The following INTS1 variants were observed in gnomAD, a reference collection of about 807,000 sequenced individuals.
INTS1 encodes the protein integrator complex subunit 1.
In INTS1, 137 loss-of-function variants were observed where a neutral mutation model predicts 241.6. The ratio of observed to expected loss-of-function variants is 0.57; its 90% CI spans 0.49 to 0.65. The LOEUF is 0.65. INTS1 is among the 30% of genes least tolerant of loss of function. The pLI is 0.00. For missense variants in INTS1, 3,073 were observed against 3,032.2 expected, an observed-to-expected ratio of 1.01 and a Z score of -0.32; for synonymous variants, 1,692 against 1,337.8, an observed-to-expected ratio of 1.26 and a Z score of -5.78.
Position 1,495,548 on chromosome 7 carries a change from C to G in INTS1, c.1717G>C (p.Glu573Gln), listed in dbSNP as rs1237548034. Residue 573 changes from glutamate (E) to glutamine (Q), a missense_variant, in exon 13 of 48, where the codon GAA becomes CAA. Transcript: ENST00000404767. ...AWDKGEKRNL[E>Q]VLRSFQNQIA... is the part of the protein sequence containing the mutation. ...TGGTTCTGGAATGAGCGGAGCACTT[C>G]CAGGTCTGAAACAGACACGCAGCTT... The G allele has an allele frequency of 2.5e-6, 4 of 1,609,740 alleles. No homozygotes were observed. The highest frequency in any genetic ancestry group is 3.4e-6 in the Non-Finnish European group (4 of 1,178,980).
In INTS1 at chr7:1,482,718, G is replaced by A. The variant is rs779810660; in HGVS notation, c.3542-11C>T. On this transcript the variant is annotated splice_polypyrimidine_tract_variant and intron_variant, in intron 26 of 47. Transcript: ENST00000404767. ...ACTCGCTGTCGTCGGCTTCAGGAAG[G>A]ACAACGGGTGAGCAGCCTTCAGACC... The A allele has an allele frequency of 8.4e-5, 136 of 1,611,800 alleles. No homozygotes were observed. Among genetic ancestry groups the A allele is most frequent in the Non-Finnish European group, 1.1e-4 (132 of 1,179,412 alleles).
chr7:1,474,648 C>T (rs769156958), intron 40 of INTS1, 57 bp downstream of exon 40: 243 of 1,510,882 alleles, frequency 1.6e-4, no homozygotes, highest in East Asian at 5.4e-4. Flanking sequence ...GCTGGAGAGC[C>T]GCAGACCCCC....
chr7:1,488,025 C>T, intron 18 of INTS1, 68 bp from the exon 19 acceptor site: 1 of 1,538,732 alleles, frequency 6.5e-7, no homozygotes, highest in Non-Finnish European at 9.0e-7. Flanking sequence ...GGGCCACGCT[C>T]AGGGTCAAGG....
chr7:1,499,908 C>T lies in INTS1; in HGVS notation c.660G>A (p.Glu220=), dbSNP rs1235107913. The part of the protein sequence containing the change: ...NLLMAAYEED[E]NWPEIFVKVY... ...CCTTGACAAAGATCTCGGGCCAGTT[C>T]TCGTCCTCCTCGTAGGCGGCCATGA... The change falls in exon 5 of 48, where the codon GAG becomes GAA. Residue 220 remains glutamate, a synonymous_variant. Coordinates refer to ENST00000404767, the MANE Select transcript of INTS1 (RefSeq NM_001080453.3). The T allele has an allele frequency of 3.1e-6, 5 of 1,613,390 alleles. No homozygotes were observed. Among genetic ancestry groups the T allele is most frequent in the Non-Finnish European group, 4.2e-6 (5 of 1,179,622 alleles).
At chr7:1,479,346 G>A (rs1781882620) in intron 31 of INTS1, 84 bp downstream of exon 31, 8 of 1,429,500 alleles carry the variant, frequency 5.6e-6, no homozygotes, top group Non-Finnish European at 6.6e-6. Flanking sequence ...CCACAGAGGA[G>A]CAGTCACAGG....
chr7:1,493,628 G>A lies in INTS1; in HGVS notation c.2068+126C>T, dbSNP rs926539261. The A allele has an allele frequency of 1.5e-4, 201 of 1,297,458 alleles. No homozygotes were observed. Among genetic ancestry groups the A allele is most frequent in the Non-Finnish European group, 1.9e-4 (187 of 976,040 alleles). The allele number at this position is 1,297,458 out of a possible 1,614,324, so 80.4% of individuals were successfully genotyped here. A position where few individuals can be genotyped will look rare whatever the true frequency, so the allele number is the denominator to read the frequency against. ...AGAAGGCAGGTCCCCGAGCCTCCCG[G>A]GGACCCAGGACCCAGCTGAAGCGCA... On this transcript the variant is annotated intron_variant, in intron 15 of 47. Transcript: ENST00000404767. This position sits in a 1 kb window ranked among gnomAD's most constrained non-coding sequence, Gnocchi z 5.3.
At position 1,474,784 on chromosome 7, in the gene INTS1, G is replaced by C; in HGVS notation, c.5557C>G (p.Arg1853Gly). ...TCCGCCCCTCGGTTCTCCAACGCCC[G>C]GGAGTCGCTGGTGTCCGCAAGGAGC... ...ITLLADTSDS[R>G]ALENRGADAS... Residue 1853 changes from arginine to glycine, a missense_variant, in exon 40 of 48, where the codon CGG becomes GGG. Arg to Gly is a moderately radical substitution (Grantham distance 125). Coordinates refer to ENST00000404767, the MANE Select transcript of INTS1 (RefSeq NM_001080453.3). 1.9e-6 allele frequency: 3 copies of C among 1,582,630 alleles called. No individual in the cohort carries two copies. The highest frequency in any genetic ancestry group is 2.3e-5 in the East Asian group (1 of 43,212).
At position 1,474,853 on chromosome 7, in the gene INTS1, G is replaced by A. The variant is rs375559240; in HGVS notation, c.5503-15C>T. On this transcript the variant is annotated splice_polypyrimidine_tract_variant and intron_variant, in intron 39 of 47. Transcript: ENST00000404767. ...AGTCCGTCCAGCTGCAGGGAGGGGCGCTCTGAGGCCGGGGCCGCTGGCTCC... is the reference window on the plus strand; with the variant it reads ...AGTCCGTCCAGCTGCAGGGAGGGGCACTCTGAGGCCGGGGCCGCTGGCTCC... The A allele has an allele frequency of 9.0e-5, 142 of 1,574,542 alleles. 1 individual carries two copies. Among genetic ancestry groups the A allele is most frequent in the Non-Finnish European group, 1.2e-4 (134 of 1,162,034 alleles).
In INTS1 at chr7:1,477,819, A is replaced by G. The variant is rs1219488006; in HGVS notation, c.4748T>C (p.Val1583Ala). 1 of 1,612,548 alleles carries G rather than the reference A, an allele frequency of 6.2e-7. No individual in the cohort carries two copies. The highest frequency in any genetic ancestry group is 1.7e-5 in the Admixed American group (1 of 60,014). Reference sequence around the variant, plus strand: ...CTCCTCCTGCAGCAGCAGGGAGCTCACCACCACAACGGGCTTACAGGCTGG... The same window carrying G: ...CTCCTCCTGCAGCAGCAGGGAGCTCGCCACCACAACGGGCTTACAGGCTGG... ...PFPACKPVVVVSSLLLQEEEP... is the reference protein window; with the variant it reads ...PFPACKPVVVASSLLLQEEEP... Residue 1583 changes from valine to alanine, a missense_variant, in exon 34 of 48, where the codon GTG becomes GCG. Physicochemically the swap from Val to Ala is moderately conservative, Grantham distance 64. Coordinates refer to ENST00000404767, the MANE Select transcript of INTS1 (RefSeq NM_001080453.3).
At position 1,470,664 on chromosome 7, in the gene INTS1, G is replaced by A; in HGVS notation, c.6486C>T (p.Ala2162=). 2 of 1,579,268 alleles carry A rather than the reference G, an allele frequency of 1.3e-6. No homozygotes were observed. Among genetic ancestry groups the A allele is most frequent in the African/African-American group, 1.3e-5 (1 of 74,280 alleles). ...QEHAAVLLHR[A]FLVGMYGQMD... is the part of the protein sequence containing the mutation. The stretch of plus-strand genomic sequence containing the variant: ...TCTGGCCGTACATGCCCACCAGGAA[G>A]GCCCGGTGGAGCAGCACAGCCGCGT... The change falls in exon 48 of 48, where the codon GCC becomes GCT. Residue 2162 remains alanine (A), a synonymous_variant. Transcript: ENST00000404767.
At chr7:1,496,630 G>A (rs979337170) in intron 11 of INTS1, among the ~76,000 whole-genome samples, 1 of 152,290 alleles carries the variant, frequency 6.6e-6, no homozygotes, top group African/African-American at 2.4e-5. Context: ...ACCAGGGCCG[G>A]TGGCCCACAA....
rs540144288 is a variant in INTS1, at chr7:1,497,079, G to A, written c.1602+59C>T. 1.3e-6 allele frequency: 2 copies of A among 1,490,180 alleles called. No homozygotes were observed. The highest frequency in any genetic ancestry group is 1.8e-6 in the Non-Finnish European group (2 of 1,114,318). The allele number at this position is 1,490,180 out of a possible 1,614,324, so 92.3% of individuals were successfully genotyped here. A position where few individuals can be genotyped will look rare whatever the true frequency, so the allele number is the denominator to read the frequency against. Reference sequence around the variant, plus strand: ...TGTGCATGGGACCCAGGACGAGGGGGATGGCGGCGCGTGGAACCCGCAGTG... The same window carrying A: ...TGTGCATGGGACCCAGGACGAGGGGAATGGCGGCGCGTGGAACCCGCAGTG... On this transcript the variant is annotated intron_variant, in intron 11 of 47. Coordinates refer to ENST00000404767, the MANE Select transcript of INTS1 (RefSeq NM_001080453.3). The surrounding 1 kb of genome is among the most constrained non-coding windows in gnomAD (Gnocchi z 5.3).
At chr7:1,487,689 C>T in intron 19 of INTS1, 71 bp downstream of exon 19, 2 of 1,563,190 alleles carry the variant, frequency 1.3e-6, no homozygotes, top group African/African-American at 1.3e-5. Context: ...CCTTCAGCCT[C>T]TGTCCCACCC....
At chr7:1,491,197 A>ACAG (rs938095153) in intron 16 of INTS1, among the ~76,000 whole-genome samples, 15 of 152,186 alleles carry the variant, frequency 9.9e-5, no homozygotes, top group African/African-American at 2.2e-4. Flanking sequence ...CAAAGCACAC[A>ACAG]CAGCAGCAGC....
At chr7:1,477,187 T>A (rs988922703) in intron 35 of INTS1, among the ~76,000 whole-genome samples, 1 of 152,188 alleles carries the variant, frequency 6.6e-6, no homozygotes, top group Non-Finnish European at 1.5e-5. Context: ...CTGGAGGATG[T>A]GGGGAGCCCA....
At chr7:1,482,275 T>C in intron 27 of INTS1, 1 of 350,150 alleles carries the variant, frequency 2.9e-6, no homozygotes, top group Non-Finnish European at 5.1e-6. Context: ...CTTTCTCTTT[T>C]TTCCATCGAG....
At chr7:1,494,356 G>A (rs1340994745) in intron 14 of INTS1, 2 of 248,486 alleles carry the variant, frequency 8.0e-6, no homozygotes, top group Admixed American at 5.0e-5. Flanking sequence ...ACTGGCAGGA[G>A]CCCCAGGCGG....
At position 1,474,166 on chromosome 7, in the gene INTS1, A is replaced by G; in HGVS notation, c.5829+2T>C. The G allele has an allele frequency of 6.4e-7, 1 of 1,564,536 alleles. No homozygotes were observed. The highest frequency in any genetic ancestry group is 1.2e-5 in the South Asian group (1 of 86,402). On this transcript the variant is annotated splice_donor_variant, in intron 41 of 47. Coordinates refer to ENST00000404767, the MANE Select transcript of INTS1 (RefSeq NM_001080453.3). LOFTEE classifies it high-confidence loss of function. ...GCGAGGGCGGGCGGCGGGAGCACACACCAGCAGCAGGCGGATGAAGGACAG... is the reference window on the plus strand; with the variant it reads ...GCGAGGGCGGGCGGCGGGAGCACACGCCAGCAGCAGGCGGATGAAGGACAG...
chr7:1,470,783 G>A (rs1002331952), intron 47 of INTS1, 63 bp downstream of exon 47: 27 of 1,475,204 alleles, frequency 1.8e-5, no homozygotes, highest in African/African-American at 7.1e-5. Flanking sequence ...GCCAGCCCTC[G>A]GGGGACGCAC....
Sources: gnomAD v4.1 joint callset for allele counts (sites outside exome capture counted in the v4.1 genomes callset) on GRCh38, gnomAD v4.1.1 for gene constraint, Gnocchi (gnomAD v3.1) non-coding constraint, MANE v1.5 for transcripts, NCBI Gene and HGNC (gene_info 2026-07-23, HGNC 2026-07-21) for gene names.